The following KIF16B variants were observed in gnomAD, a reference collection of about 807,000 sequenced individuals.
The protein encoded by KIF16B is kinesin-like protein KIF16B.
KIF16B carries 98 observed loss-of-function variants against 156.3 expected under a neutral mutation model. The ratio of observed to expected loss-of-function variants is 0.63; its 90% CI spans 0.53 to 0.74. The LOEUF (loss-of-function observed/expected upper bound fraction) is 0.74, where lower values mean the gene tolerates loss of function less well. KIF16B is among the 30% of genes least tolerant of loss of function. The pLI is 0.00. For missense variants in KIF16B, 1,421 were observed against 1,606.5 expected (o/e 0.88, Z 1.97); for synonymous variants, 564 against 583.7 (o/e 0.97, Z 0.49).
intron 12 of KIF16B, among the ~76,000 whole-genome samples, chr20:16,469,182 T>C (rs2067583399): frequency 6.8e-6 from 1 of 147,024 alleles, no homozygotes; most frequent in Non-Finnish European, 1.5e-5. Flanking sequence ...AGCCCAGGAG[T>C]TGGAGGCTGC....
At chr20:16,280,270 A>G (rs929196184) in intron 25 of KIF16B, among the ~76,000 whole-genome samples, 2 of 152,224 alleles carry the variant, frequency 1.3e-5, no homozygotes, top group Non-Finnish European at 2.9e-5. Flanking sequence ...TGTGAAGTCA[A>G]CAAGGAGCTG....
chr20:16,329,483 A>G (rs1723786547), intron 24 of KIF16B, among the ~76,000 whole-genome samples: 1 of 152,224 alleles, frequency 6.6e-6, no homozygotes, highest in African/African-American at 2.4e-5. Flanking sequence ...TACAGAAATT[A>G]TTCGCATGAT....
intron 12 of KIF16B, among the ~76,000 whole-genome samples, chr20:16,493,773 G>C (rs1477978273): frequency 6.6e-6 from 1 of 152,176 alleles, no homozygotes; most frequent in African/African-American, 2.4e-5. Context: ...TTCACAGCAA[G>C]TCTTGCCAGA....
intron 17 of KIF16B, among the ~76,000 whole-genome samples, chr20:16,397,602 C>T (rs927455002): frequency 2.0e-5 from 3 of 152,150 alleles, no homozygotes; most frequent in African/African-American, 4.8e-5. Flanking sequence ...TTACTGGATA[C>T]AATAATTTGC....
At position 16,301,723 on chromosome 20, in the gene KIF16B, G is replaced by T. The variant is rs111649090; in HGVS notation, c.3795+10612C>A. ...CAGGCTGGAGTGCAGTGATGCTATC[G>T]TGGCTCACTGCAACCTCCTGGGTTC... On this transcript the variant is annotated intron_variant, in intron 25 of 25. Coordinates refer to ENST00000354981, the MANE Select transcript of KIF16B (RefSeq NM_024704.5). Among the ~76,000 whole-genome samples, 13 of 151,836 alleles carry T rather than the reference G, an allele frequency of 8.6e-5. 1 individual carries two copies. In the East Asian group the frequency reaches 2.5e-3, roughly 30 times the overall value.
intron 4 of KIF16B, among the ~76,000 whole-genome samples, chr20:16,513,772 T>C (rs1440387600): frequency 1.3e-5 from 2 of 151,954 alleles, no homozygotes; most frequent in African/African-American, 4.8e-5. Context: ...ATTTATACAA[T>C]GTGGGTATAA....
chr20:16,328,183 T>C (rs1028980150), intron 24 of KIF16B, among the ~76,000 whole-genome samples: 33 of 152,188 alleles, frequency 2.2e-4, no homozygotes, highest in African/African-American at 7.5e-4. Context: ...ATTTACTGGG[T>C]ACCCAGAGAA....
intron 12 of KIF16B, among the ~76,000 whole-genome samples, chr20:16,462,689 C>T (rs562655554): frequency 1.3e-5 from 2 of 152,218 alleles, no homozygotes; most frequent in Admixed American, 6.5e-5. Flanking sequence ...GAGTCCTTGG[C>T]AAGGTTTCCC....
chr20:16,418,496 C>T (rs1170895319), intron 15 of KIF16B, among the ~76,000 whole-genome samples: 1 of 152,154 alleles, frequency 6.6e-6, no homozygotes, highest in Admixed American at 6.5e-5. Flanking sequence ...ATTGGAAAGA[C>T]TTGTTTCACT....
intron 21 of KIF16B, 85 bp downstream of exon 21, chr20:16,371,580 A>T: frequency 4.0e-6 from 3 of 751,892 alleles, no homozygotes; most frequent in Non-Finnish European, 6.3e-6. Flanking sequence ...ACAGAACAAG[A>T]CTCAGTCTCA....
At chr20:16,282,998 C>T (rs776078999) in intron 25 of KIF16B, among the ~76,000 whole-genome samples, 5 of 152,288 alleles carry the variant, frequency 3.3e-5, no homozygotes, top group South Asian at 2.1e-4. Context: ...CACCATAAAA[C>T]GTCATTGGAA....
chr20:16,384,771 C>T (rs140207267), intron 17 of KIF16B, among the ~76,000 whole-genome samples: 54 of 152,254 alleles, frequency 3.5e-4, no homozygotes, highest in African/African-American at 1.3e-3. Context: ...GAACCCCATG[C>T]TCATGTGTGA....
chr20:16,379,946 C>T lies in KIF16B; in HGVS notation c.2056G>A (p.Glu686Lys). 1.2e-6 allele frequency: 2 copies of T among 1,614,068 alleles called. No homozygotes were observed. Among genetic ancestry groups the T allele is most frequent in the Non-Finnish European group, 8.5e-7 (1 of 1,180,016 alleles). The change falls in exon 19 of 26, where the codon GAA becomes AAA. Residue 686 changes from glutamate (E) to lysine (K), a missense_variant. By Grantham distance (56) the Glu-to-Lys change is moderately conservative. Transcript: ENST00000354981. ...TTCTGCAGCTCGATTTCCTGCTGTT[C>T]CCTCAGCCTCTCCTCTTCAAATTTT... ...KEKFEEERLR[E>K]QQEIELQKKR...
chr20:16,380,622 C>A (rs2065071823), intron 18 of KIF16B, among the ~76,000 whole-genome samples: 1 of 152,176 alleles, frequency 6.6e-6, no homozygotes, highest in Admixed American at 6.5e-5. Context: ...TGATAATCGA[C>A]AGTTCATTGT....
intron 24 of KIF16B, among the ~76,000 whole-genome samples, chr20:16,313,646 T>C (rs1244855421): frequency 6.6e-6 from 1 of 152,144 alleles, no homozygotes; most frequent in Non-Finnish European, 1.5e-5. Flanking sequence ...CATCGCTTGG[T>C]TTTTCCTACT....
chr20:16,515,446 A>T (rs865793078), intron 4 of KIF16B, 102 bp downstream of exon 4: 3 of 638,984 alleles, frequency 4.7e-6, no homozygotes, highest in Middle Eastern at 5.1e-4. Context: ...AATAATCAGA[A>T]CATGAAAAGT....
chr20:16,441,475 A>G (rs1406454705), intron 12 of KIF16B, among the ~76,000 whole-genome samples: 1 of 152,190 alleles, frequency 6.6e-6, no homozygotes, highest in Non-Finnish European at 1.5e-5. Context: ...CGTCAAACAC[A>G]GATCAGTGAC....
intron 15 of KIF16B, among the ~76,000 whole-genome samples, chr20:16,412,820 T>C (rs1224788369): frequency 6.6e-6 from 1 of 152,148 alleles, no homozygotes. Flanking sequence ...GGATATTTTA[T>C]TTTTTGTTAA....
chr20:16,478,020 A>C (rs1350932219), intron 12 of KIF16B, among the ~76,000 whole-genome samples: 1 of 152,166 alleles, frequency 6.6e-6, no homozygotes, highest in Non-Finnish European at 1.5e-5. Flanking sequence ...ATCTGCGACA[A>C]GTGGTGACTG....
Sources: gnomAD v4.1 joint callset for allele counts (sites outside exome capture counted in the v4.1 genomes callset) on GRCh38, gnomAD v4.1.1 for gene constraint, MANE v1.5 for transcripts, NCBI Gene and HGNC (gene_info 2026-07-23, HGNC 2026-07-21) for gene names.